NUP214: variants seen among roughly 807,000 people sequenced by gnomAD.
The protein encoded by NUP214 is nucleoporin 214.
Under a neutral mutation model 196.2 loss-of-function variants are expected in NUP214, and 79 were observed. The observed-to-expected ratio is 0.40, with a 90% confidence interval of 0.34 to 0.49. NUP214 has a LOEUF of 0.49. Ranked by LOEUF, NUP214 falls within the 20% of genes least tolerant of loss-of-function variation. The pLI is 0.58. For synonymous variants in NUP214, 1,020 were observed against 990.5 expected (o/e 1.03, Z -0.56); for missense variants, 2,468 against 2,539.0 (o/e 0.97, Z 0.60).
At chr9:131,201,197 G>A (rs777556502) in intron 29 of NUP214, among the ~76,000 whole-genome samples, 3 of 150,930 alleles carry the variant, frequency 2.0e-5, no homozygotes, top group East Asian at 1.9e-4. Flanking sequence ...GGCTGGGTGC[G>A]GTGGCCCACA....
In NUP214 at chr9:131,133,161, A is replaced by G. The variant is rs922622128; in HGVS notation, c.783A>G (p.Ala261=). The change falls in exon 7 of 36, where the codon GCA becomes GCG. Residue 261 remains alanine (A), a synonymous_variant. Coordinates refer to ENST00000359428, the MANE Select transcript of NUP214 (RefSeq NM_005085.4). ...TCTTCGCCATAGTGTATGCTGCTGC[A>G]GATGGGACCCTGGAAACGTCTCCAG... ...TYVFAIVYAA[A]DGTLETSPDV... 2.5e-6 allele frequency: 4 copies of G among 1,602,604 alleles called. No individual in the cohort carries two copies. In the Admixed American group the frequency reaches 5.3e-5, roughly 21 times the overall value.
chr9:131,218,174 G>A (rs950450001), intron 31 of NUP214, among the ~76,000 whole-genome samples: 3 of 152,196 alleles, frequency 2.0e-5, no homozygotes, highest in African/African-American at 7.2e-5. Flanking sequence ...TGATTTTGAA[G>A]GAGTAGAGGA....
At chr9:131,133,242 A>C (rs770728730) in intron 7 of NUP214, 33 bp downstream of exon 7, 1 of 1,332,604 alleles carries the variant, frequency 7.5e-7, no homozygotes, top group South Asian at 1.5e-5. Context: ...ATTGTTTGAG[A>C]ATTAGAGAAG....
chr9:131,150,376 A>T lies in NUP214; in HGVS notation c.2093A>T (p.Asp698Val), dbSNP rs369918401. 12 of 1,614,072 alleles carry T rather than the reference A, an allele frequency of 7.4e-6. No individual in the cohort carries two copies. The highest frequency in any genetic ancestry group is 1.6e-4 in the Middle Eastern group (1 of 6,084). The change falls in exon 15 of 36, where the codon GAT becomes GTT. Residue 698 changes from aspartate to valine, a missense_variant. Coordinates refer to ENST00000359428, the MANE Select transcript of NUP214 (RefSeq NM_005085.4). Reference protein sequence around the residue: ...VAEKQGHQWKDSDPVMAGIGE... With the variant: ...VAEKQGHQWKVSDPVMAGIGE... ...GAAAAGCAGGGACATCAGTGGAAAG[A>T]TTCAGATCCTGTAATGGCTGGAATT...
rs1477038655 is a variant in NUP214 at position 131,130,145 on chromosome 9, TTTTTTG to T, written c.593-615_593-610del. Among the ~76,000 whole-genome samples, 651 of 108,702 alleles carry T rather than the reference TTTTTTG, an allele frequency of 6.0e-3. 39 individuals are homozygous for T. Among genetic ancestry groups the T allele is most frequent in the Non-Finnish European group, 9.3e-3 (478 of 51,360 alleles). The allele number at this position is 108,702 out of a possible 152,430, so 71.3% of individuals were successfully genotyped here. A position where few individuals can be genotyped will look rare whatever the true frequency, so the allele number is the denominator to read the frequency against. On this transcript the variant is annotated intron_variant, in intron 4 of 35. Coordinates refer to ENST00000359428, the MANE Select transcript of NUP214 (RefSeq NM_005085.4). ...GAATGATTTCTGGTTTTGTTTTTTT[TTTTTTG>T]TTTTTTTTTTGAGACAGAGTCTTGC...
rs1048428976 is a variant in NUP214 at position 131,197,882 on chromosome 9, C to T, written c.4388C>T (p.Pro1463Leu). ...SAPPPTTAAT[P>L]LPTSFPTLSF... ...CCACCACCAACTACAGCTGCCACTC[C>T]CCTTCCAACATCATTCCCCACATTG... The change falls in exon 29 of 36, where the codon CCC (proline) becomes CTC (leucine). Residue 1463 changes from proline (P) to leucine (L), a missense_variant. Around this residue, in one of 5 missense-constraint regions of NUP214, gnomAD observed 1,801 missense variants for 1,779.4 expected, o/e 1.01. Transcript: ENST00000359428. 6.2e-7 allele frequency: 1 copy of T among 1,613,900 alleles called. No homozygotes were observed. The highest frequency in any genetic ancestry group is 2.2e-5 in the East Asian group (1 of 44,876).
At position 131,156,234 on chromosome 9, in the gene NUP214, G is replaced by C. The variant is rs568973312; in HGVS notation, c.2437-3149G>C. Among the ~76,000 whole-genome samples the C allele has an allele frequency of 2.4e-3, 346 of 146,814 alleles. 4 individuals are homozygous for C. The highest frequency in any genetic ancestry group is 8.3e-3 in the African/African-American group (332 of 39,788). Reference sequence around the variant, plus strand: ...TGCAAGCTCCACCTCCCGGGTTCACGCCATCCTCCTGCCTCAGCCTCCTGA... The same window carrying C: ...TGCAAGCTCCACCTCCCGGGTTCACCCCATCCTCCTGCCTCAGCCTCCTGA... On this transcript the variant is annotated intron_variant, in intron 17 of 35. Coordinates refer to ENST00000359428, the MANE Select transcript of NUP214 (RefSeq NM_005085.4).
intron 24 of NUP214, among the ~76,000 whole-genome samples, chr9:131,185,376 G>T (rs148448413): frequency 1.8e-3 from 267 of 152,330 alleles, no homozygotes; most frequent in Non-Finnish European, 2.9e-3. Context: ...CATTTCTGAA[G>T]CAGGAACTTT....
At position 131,195,221 on chromosome 9, in the gene NUP214, T is replaced by C. The variant is rs756649932; in HGVS notation, c.3660-12T>C. 1.3e-6 allele frequency: 2 copies of C among 1,598,408 alleles called. No individual in the cohort carries two copies. The highest frequency in any genetic ancestry group is 2.2e-5 in the South Asian group (2 of 88,926). On this transcript the variant is annotated splice_polypyrimidine_tract_variant and intron_variant, in intron 27 of 35. Transcript: ENST00000359428. ...TTTGTTCCTTTTTAATTTCTCTTTTTCCACTTGTTAGGACTGGCTTTAATT... is the reference window on the plus strand; with the variant it reads ...TTTGTTCCTTTTTAATTTCTCTTTTCCCACTTGTTAGGACTGGCTTTAATT...
intron 26 of NUP214, chr9:131,190,644 G>T: frequency 1.9e-6 from 1 of 514,298 alleles, no homozygotes; most frequent in Non-Finnish European, 3.4e-6. Flanking sequence ...TTGTTTTTCT[G>T]ATTGTAAAAC....
Position 131,163,924 on chromosome 9 carries a change from A to G in NUP214, c.2778A>G (p.Glu926=), listed in dbSNP as rs745441438. 1 of 1,614,134 alleles carries G rather than the reference A, an allele frequency of 6.2e-7. No individual in the cohort carries two copies. The highest frequency in any genetic ancestry group is 8.5e-7 in the Non-Finnish European group (1 of 1,179,996). ...ATGCTTTGTTGAAAACCACCATAGA[A>G]TCTCACACCAAATCCTTGCCCAAAG... ...LCNALLKTTI[E]SHTKSLPKVP... is the part of the protein sequence containing the mutation. Residue 926 remains glutamate, a synonymous_variant, in exon 20 of 36, where the codon GAA becomes GAG. Coordinates refer to ENST00000359428, the MANE Select transcript of NUP214 (RefSeq NM_005085.4).
chr9:131,137,545 G>A (rs1435833086), intron 9 of NUP214, among the ~76,000 whole-genome samples: 4 of 146,228 alleles, frequency 2.7e-5, no homozygotes, highest in Admixed American at 1.4e-4. Context: ...CTCATTTCTG[G>A]TGGTATCTTT....
At chr9:131,201,617 T>A in intron 29 of NUP214, 30 bp from the exon 30 acceptor site, 1 of 1,574,746 alleles carries the variant, frequency 6.4e-7, no homozygotes, top group Non-Finnish European at 8.7e-7. Context: ...CCAATCCAAA[T>A]TGAATTTTTG....
intron 26 of NUP214, chr9:131,189,908 T>G (rs1402621255): frequency 6.5e-6 from 1 of 153,924 alleles, no homozygotes; most frequent in East Asian, 1.8e-4. Flanking sequence ...GGCATTTGTT[T>G]CAATCATGCT....
intron 30 of NUP214, among the ~76,000 whole-genome samples, chr9:131,213,309 G>A (rs1292861553): frequency 2.0e-5 from 3 of 151,918 alleles, no homozygotes; most frequent in African/African-American, 7.3e-5. Context: ...CCAGGTAGCT[G>A]GGATTATAGG....
At chr9:131,126,534 CA>C (rs1831358012) in intron 1 of NUP214, 1 of 150,786 alleles carries the variant, frequency 6.6e-6, no homozygotes, top group Admixed American at 6.6e-5. Context: ...ATAGTAATAC[CA>C]TGTTTAGAAT....
In NUP214 at chr9:131,211,918, A is replaced by G. The variant is rs569599995; in HGVS notation, c.5593-3294A>G. On this transcript the variant is annotated intron_variant, in intron 30 of 35. Coordinates refer to ENST00000359428, the MANE Select transcript of NUP214 (RefSeq NM_005085.4). Reference sequence around the variant, plus strand: ...AGGATGGCTGCGATTTTCATGGAACAAGGGAGATAACCATTGGGCCTGACT... The same window carrying G: ...AGGATGGCTGCGATTTTCATGGAACGAGGGAGATAACCATTGGGCCTGACT... Among the ~76,000 whole-genome samples, 5 of 152,348 alleles carry G rather than the reference A, an allele frequency of 3.3e-5. No individual in the cohort carries two copies. In the East Asian group the frequency reaches 5.8e-4, roughly 18 times the overall value.
At chr9:131,161,259 C>CTTTTTTTTTTTTTTTT (rs34588166) in intron 18 of NUP214, among the ~76,000 whole-genome samples, 1 of 136,198 alleles carries the variant, frequency 7.3e-6, no homozygotes, top group Non-Finnish European at 1.6e-5. Context: ...ATTGAAATGC[C>CTTTTTTTTTTTTTTTT]TTTTTTTTTT....
Position 131,215,316 on chromosome 9 carries a change from C to T in NUP214, c.5697C>T (p.Asn1899=). 1 of 1,608,810 alleles carries T rather than the reference C, an allele frequency of 6.2e-7. No individual in the cohort carries two copies. The highest frequency in any genetic ancestry group is 8.5e-7 in the Non-Finnish European group (1 of 1,177,558). ...LGGKPSQDAA[N]KNPFSSASGG... ...GAAAACCCAGTCAGGATGCAGCCAA[C>T]AAAAACCCATTCAGCTCGGCCAGTG... The change falls in exon 31 of 36, where the codon AAC becomes AAT. Residue 1899 remains asparagine, a synonymous_variant. Transcript: ENST00000359428.
Sources: gnomAD v4.1 joint callset for allele counts (sites outside exome capture counted in the v4.1 genomes callset) on GRCh38, gnomAD v4.1.1 for gene constraint, gnomAD v4.1.1 regional missense constraint, MANE v1.5 for transcripts, NCBI Gene and HGNC (gene_info 2026-07-23, HGNC 2026-07-21) for gene names.